ANK2: variants seen among roughly 807,000 people sequenced by gnomAD.
The protein encoded by ANK2 is ankyrin 2.
ANK2 carries 83 observed loss-of-function variants against 360.5 expected under a neutral mutation model. The ratio of observed to expected loss-of-function variants is 0.23; its 90% CI spans 0.19 to 0.28. The LOEUF is 0.28. ANK2 is among the 10% of genes least tolerant of loss of function. ANK2 has a pLI of 1.00. For missense variants in ANK2, 4,201 were observed against 4,795.7 expected, an observed-to-expected ratio of 0.88 and a Z score of 3.66; for synonymous variants, 1,740 against 1,759.5, an observed-to-expected ratio of 0.99 and a Z score of 0.28.
chr4:113,195,687 A>G (rs1403425982), intron 2 of ANK2, among the ~76,000 whole-genome samples: 1 of 152,188 alleles, frequency 6.6e-6, no homozygotes, highest in Non-Finnish European at 1.5e-5. Context: ...AAGCCTTACT[A>G]CTGTGTCAGT....
At position 113,257,312 on chromosome 4, in the gene ANK2, C is replaced by T. The variant is rs576955680; in HGVS notation, c.1189-738C>T. ...CCAATTCCTGGGCATTAGCCTAGTT[C>T]GCCAAGTTAGAAAGTACCTGACAGA... On this transcript the variant is annotated intron_variant, in intron 11 of 45. Transcript: ENST00000357077. 7.9e-5 allele frequency among the ~76,000 whole-genome samples: 12 copies of T among 152,272 alleles called. No individual in the cohort carries two copies. The East Asian group carries it at 9.6e-4, about 12-fold the overall frequency.
chr4:113,112,070 G>A (rs2094355198), intron 1 of ANK2, among the ~76,000 whole-genome samples: 1 of 151,852 alleles, frequency 6.6e-6, no homozygotes, highest in African/African-American at 2.4e-5. Context: ...AATAAGATGG[G>A]GACAATAAGA....
chr4:112,761,945 T>G, the ANK2 span, among the ~76,000 whole-genome samples: 1 of 152,222 alleles, frequency 6.6e-6, no homozygotes, highest in African/African-American at 2.4e-5. Context: ...CTACACCAAG[T>G]GTTGTAGGAA....
chr4:113,121,136 T>A (rs2095325504), intron 1 of ANK2, among the ~76,000 whole-genome samples: 1 of 152,166 alleles, frequency 6.6e-6, no homozygotes, highest in African/African-American at 2.4e-5. Flanking sequence ...TAAGTACCCA[T>A]GTGGTCATGT....
intron 1 of ANK2, among the ~76,000 whole-genome samples, chr4:113,164,655 T>C (rs2097688548): frequency 6.6e-6 from 1 of 152,198 alleles, no homozygotes; most frequent in African/African-American, 2.4e-5. Flanking sequence ...ATTAACACTA[T>C]AAGATGCGGA....
intron 1 of ANK2, among the ~76,000 whole-genome samples, chr4:112,899,059 C>G (rs1419707335): frequency 6.6e-6 from 1 of 152,200 alleles, no homozygotes; most frequent in East Asian, 1.9e-4. Context: ...GTGCTGCTTT[C>G]TAGCTCAACT....
At chr4:113,049,973 C>T (rs1021709854) in intron 1 of ANK2, among the ~76,000 whole-genome samples, 161 bp downstream of exon 1, 1 of 152,138 alleles carries the variant, frequency 6.6e-6, no homozygotes, top group Non-Finnish European at 1.5e-5. Flanking sequence ...GTGCAAACTG[C>T]TGCTTTTTGA....
the ANK2 span, among the ~76,000 whole-genome samples, chr4:112,733,182 C>T: frequency 6.6e-6 from 1 of 152,086 alleles, no homozygotes; most frequent in African/African-American, 2.4e-5. Context: ...TGCCACTGCA[C>T]TCCAGCATGG....
chr4:113,191,332 C>T (rs549144702), intron 2 of ANK2, among the ~76,000 whole-genome samples: 95 of 151,974 alleles, frequency 6.3e-4, no homozygotes, highest in African/African-American at 2.2e-3. Flanking sequence ...ACAACAAGAG[C>T]AAAATTCCAT....
intron 2 of ANK2, among the ~76,000 whole-genome samples, chr4:113,043,230 C>T (rs1419136908): frequency 6.6e-6 from 1 of 152,110 alleles, no homozygotes; most frequent in African/African-American, 2.4e-5. Flanking sequence ...AAAAAGGCCT[C>T]TTGCCTGGCC....
intron 40 of ANK2, among the ~76,000 whole-genome samples, 168 bp from the exon 41 acceptor site, chr4:113,364,871 T>C (rs2096445052): frequency 6.6e-6 from 1 of 152,240 alleles, no homozygotes; most frequent in East Asian, 1.9e-4. Flanking sequence ...TACCACTTTT[T>C]TTATGCATAT....
In ANK2 at chr4:112,900,893, T is replaced by A. The variant is rs113654894; in HGVS notation, c.-39-3562T>A. ...CTTTATGAAGCAGGAAAACCTAGATTTGGTTTTCATTCCTGCCATTGAGCA... is the reference window on the plus strand; with the variant it reads ...CTTTATGAAGCAGGAAAACCTAGATATGGTTTTCATTCCTGCCATTGAGCA... On this transcript the variant is annotated intron_variant, in intron 1 of 30. Transcript: ENST00000503271. 8.3e-3 allele frequency among the ~76,000 whole-genome samples: 1,258 copies of A among 152,292 alleles called. 13 individuals carry two copies. Among genetic ancestry groups the A allele is most frequent in the African/African-American group, 0.029 (1,196 of 41,556 alleles).
At chr4:112,791,781 G>A in the ANK2 span, among the ~76,000 whole-genome samples, 3 of 151,766 alleles carry the variant, frequency 2.0e-5, no homozygotes, top group East Asian at 1.9e-4. Flanking sequence ...GTGAGCCACC[G>A]CGCCCAGCCT....
At chr4:112,752,685 CTTTG>C in the ANK2 span, among the ~76,000 whole-genome samples, 29 of 152,010 alleles carry the variant, frequency 1.9e-4, 1 homozygote, top group Admixed American at 3.9e-4. Flanking sequence ...CTCCCCACCT[CTTTG>C]TTTGTTTGAG....
chr4:113,318,918 C>T (rs1160532806), intron 26 of ANK2, among the ~76,000 whole-genome samples: 1 of 152,160 alleles, frequency 6.6e-6, no homozygotes. Flanking sequence ...CTACTATTCA[C>T]GTACTGTCTT....
Position 113,049,738 on chromosome 4 carries a change from G to A in ANK2, c.10G>A (p.Glu4Lys), listed in dbSNP as rs535919946. 1.9e-6 allele frequency: 3 copies of A among 1,580,506 alleles called. No individual in the cohort carries two copies. The highest frequency in any genetic ancestry group is 1.1e-5 in the South Asian group (1 of 90,600). Residue 4 changes from glutamate (E) to lysine (K), a missense_variant, in exon 1 of 46, where the codon GAA becomes AAA. Glu to Lys is a moderately conservative substitution (Grantham distance 56, BLOSUM62 1). Coordinates refer to ENST00000357077, the MANE Select transcript of ANK2 (RefSeq NM_001148.6). MMN[E>K]DAAQKSDSGE... is the part of the protein sequence containing the mutation. Reference sequence around the variant, plus strand: ...TTCCAAACTGTTCAAAATGATGAACGAAGATGCAGCTCAGAAAAGCGACAG... The same window carrying A: ...TTCCAAACTGTTCAAAATGATGAACAAAGATGCAGCTCAGAAAAGCGACAG...
At chr4:112,842,620 G>T (rs2062361390) in intron 1 of ANK2, among the ~76,000 whole-genome samples, 1 of 152,106 alleles carries the variant, frequency 6.6e-6, no homozygotes, top group Non-Finnish European at 1.5e-5. Context: ...TTCACAATAG[G>T]GTTCGTGCTC....
intron 2 of ANK2, among the ~76,000 whole-genome samples, chr4:112,935,530 A>G (rs2093652615): frequency 6.6e-6 from 1 of 152,190 alleles, no homozygotes; most frequent in African/African-American, 2.4e-5. Flanking sequence ...AACAATGACA[A>G]TGACAAATCC....
chr4:112,813,334 A>G (rs1178997533), upstream of ANK2, among the ~76,000 whole-genome samples: 1 of 151,964 alleles, frequency 6.6e-6, no homozygotes, highest in Non-Finnish European at 1.5e-5. Flanking sequence ...ACAATAAAAC[A>G]CTTCAACATG....
Sources: allele counts gnomAD v4.1 joint callset (sites outside exome capture counted in the v4.1 genomes callset), GRCh38; gene constraint gnomAD v4.1.1; transcripts MANE v1.5; gene names NCBI Gene and HGNC (gene_info 2026-07-23, HGNC 2026-07-21).